The following FHIT variants were observed in gnomAD, a reference collection of about 807,000 sequenced individuals.
FHIT encodes the protein fragile histidine triad diadenosine triphosphatase.
A neutral mutation model predicts 17.9 loss-of-function variants in FHIT; 19 were observed. The observed-to-expected ratio is 1.06, with a 90% CI of 0.74 to 1.56. The LOEUF (loss-of-function observed/expected upper bound fraction) is 1.56. FHIT is among the 40% of genes most tolerant of loss of function. FHIT has a pLI of 0.00. For missense variants in FHIT, 248 were observed against 189.2 expected (o/e 1.31, Z -1.82); for synonymous variants, 81 against 69.7 (o/e 1.16, Z -0.81).
intron 4 of FHIT, among the ~76,000 whole-genome samples, chr3:60,677,382 G>T (rs1288311070): frequency 6.6e-6 from 1 of 151,998 alleles, no homozygotes; most frequent in Non-Finnish European, 1.5e-5. Context: ...ACATTATTCA[G>T]CTCCCACGTG....
chr3:60,964,780 G>C lies in FHIT; in HGVS notation c.-111+77267C>G, dbSNP rs968421426. 1.1e-4 allele frequency among the ~76,000 whole-genome samples: 16 copies of C among 152,180 alleles called. 1 individual carries two copies. The highest frequency in any genetic ancestry group is 6.3e-3 in the Middle Eastern group (2 of 316). On this transcript the variant is annotated intron_variant, in intron 3 of 9. Transcript: ENST00000492590. ...GGCCCCCATTCTCTTCTGGCTTGTA[G>C]AGTTTCTGCCAAGAGATCTGTTGTT...
chr3:60,684,312 A>T (rs905207280), intron 4 of FHIT, among the ~76,000 whole-genome samples: 16 of 152,116 alleles, frequency 1.1e-4, no homozygotes, highest in African/African-American at 3.9e-4. Flanking sequence ...CAATTTAATC[A>T]TATCTGCAAG....
intron 5 of FHIT, among the ~76,000 whole-genome samples, chr3:60,138,333 C>T (rs1699901015): frequency 1.3e-5 from 2 of 152,140 alleles, no homozygotes. Context: ...TTGGCTGTGA[C>T]TGAGAAATGA....
intron 3 of FHIT, among the ~76,000 whole-genome samples, chr3:60,886,634 A>G (rs1455713189): frequency 3.3e-5 from 5 of 152,184 alleles, no homozygotes; most frequent in African/African-American, 1.2e-4. Context: ...GTAGAAAAAA[A>G]CACATTCTAG....
intron 4 of FHIT, among the ~76,000 whole-genome samples, chr3:60,737,269 A>C (rs1224296765): frequency 6.6e-6 from 1 of 152,248 alleles, no homozygotes; most frequent in East Asian, 1.9e-4. Flanking sequence ...TGTCCAAAAC[A>C]CTGCCCCATT....
chr3:60,800,251 C>G (rs1202577294), intron 4 of FHIT, among the ~76,000 whole-genome samples: 1 of 152,172 alleles, frequency 6.6e-6, no homozygotes, highest in Non-Finnish European at 1.5e-5. Flanking sequence ...CCTTTTCAGC[C>G]CCAAATAATA....
intron 5 of FHIT, among the ~76,000 whole-genome samples, chr3:60,307,471 T>C (rs1315341116): frequency 3.3e-5 from 5 of 152,284 alleles, no homozygotes; most frequent in South Asian, 2.1e-4. Context: ...GGAAGAAGGA[T>C]TGAATGCCAT....
At chr3:60,094,619 A>C (rs1413467508) in intron 5 of FHIT, among the ~76,000 whole-genome samples, 1 of 152,204 alleles carries the variant, frequency 6.6e-6, no homozygotes, top group Non-Finnish European at 1.5e-5. Flanking sequence ...GACACCTGTC[A>C]AAATGTAATA....
At chr3:60,340,998 A>T (rs528445911) in intron 5 of FHIT, among the ~76,000 whole-genome samples, 3 of 152,024 alleles carry the variant, frequency 2.0e-5, no homozygotes, top group Middle Eastern at 3.4e-3. Context: ...CTATATGAGA[A>T]TTTTTTTTAA....
intron 5 of FHIT, among the ~76,000 whole-genome samples, chr3:60,194,214 G>T (rs1268065031): frequency 6.6e-6 from 1 of 152,100 alleles, no homozygotes; most frequent in South Asian, 2.1e-4. Context: ...AACCAAGACA[G>T]CATGGTACTA....
chr3:60,318,140 A>C (rs1307289546), intron 5 of FHIT, among the ~76,000 whole-genome samples: 1 of 152,154 alleles, frequency 6.6e-6, no homozygotes, highest in Non-Finnish European at 1.5e-5. Flanking sequence ...CCCTGAACAC[A>C]TCATGGTATA....
intron 5 of FHIT, among the ~76,000 whole-genome samples, chr3:60,330,760 G>A (rs537406148): frequency 1.5e-4 from 23 of 152,130 alleles, no homozygotes; most frequent in Non-Finnish European, 3.1e-4. Flanking sequence ...TCTACAGAAC[G>A]GGATTGCAAA....
chr3:60,578,840 C>A (rs782368583), intron 4 of FHIT, among the ~76,000 whole-genome samples: 6 of 152,060 alleles, frequency 3.9e-5, no homozygotes, highest in Non-Finnish European at 5.9e-5. Flanking sequence ...AGGTACATTT[C>A]CCAATTTTAT....
At chr3:60,724,514 G>A (rs1207096394) in intron 4 of FHIT, among the ~76,000 whole-genome samples, 3 of 152,036 alleles carry the variant, frequency 2.0e-5, no homozygotes, top group Admixed American at 6.6e-5. Flanking sequence ...GAATTTCTGG[G>A]TCATACATAT....
intron 4 of FHIT, among the ~76,000 whole-genome samples, chr3:60,554,193 A>C (rs1401624891): frequency 6.6e-6 from 1 of 151,576 alleles, no homozygotes; most frequent in Admixed American, 6.6e-5. Flanking sequence ...TCTCAGTCTG[A>C]TGGAGGCCGA....
intron 8 of FHIT, among the ~76,000 whole-genome samples, chr3:59,847,933 G>T (rs1465227495): frequency 2.0e-5 from 3 of 152,144 alleles, no homozygotes; most frequent in African/African-American, 7.2e-5. Context: ...AAAAGGGAAA[G>T]AAGAAAAATT....
chr3:60,451,392 C>A (rs1459718429), intron 5 of FHIT, among the ~76,000 whole-genome samples: 3 of 152,108 alleles, frequency 2.0e-5, no homozygotes, highest in Admixed American at 2.0e-4. Flanking sequence ...CTGAACATCC[C>A]CCCACTTCAA....
At chr3:61,120,836 T>G (rs147464991) in intron 2 of FHIT, among the ~76,000 whole-genome samples, 1 of 152,060 alleles carries the variant, frequency 6.6e-6, no homozygotes, top group East Asian at 1.9e-4. Context: ...GCAAGGAAGC[T>G]AAGAAACTTG....
chr3:61,228,179 TA>T (rs529696097), intron 1 of FHIT, among the ~76,000 whole-genome samples: 1,949 of 147,480 alleles, frequency 0.013, 20 homozygotes, highest in Non-Finnish European at 0.02. Flanking sequence ...AAAAATAATT[TA>T]AAAAAAAAAA....
Sources: allele counts gnomAD v4.1 joint callset (sites outside exome capture counted in the v4.1 genomes callset), GRCh38; gene constraint gnomAD v4.1.1; transcripts MANE v1.5; gene names NCBI Gene and HGNC (gene_info 2026-07-23, HGNC 2026-07-21).